Variants in HOPX observed in about 807,000 individuals in gnomAD.
HOPX encodes the protein HOP homeobox.
In HOPX, 5 loss-of-function variants were observed where a neutral mutation model predicts 11.8. The ratio of observed to expected loss-of-function variants is 0.43; its 90% confidence interval spans 0.22 to 0.89. HOPX has a LOEUF of 0.89. Among genes scored for constraint, HOPX ranks in the 40% least tolerant of loss-of-function variants. The pLI, the probability that HOPX is intolerant of heterozygous loss-of-function variation, is 0.28. For missense variants in HOPX, 119 were observed against 120.0 expected, an observed-to-expected ratio of 0.99 and a Z score of 0.04; for synonymous variants, 49 against 49.7, an observed-to-expected ratio of 0.99 and a Z score of 0.06.
intron 3 of HOPX, among the ~76,000 whole-genome samples, chr4:56,653,205 T>C (rs1450574686): frequency 6.6e-6 from 1 of 151,930 alleles, no homozygotes; most frequent in Non-Finnish European, 1.5e-5. Context: ...ACCTGTTTGA[T>C]TTTTTTACTT....
At chr4:56,658,459 G>A (rs117183594) in intron 1 of HOPX, among the ~76,000 whole-genome samples, 2 of 152,294 alleles carry the variant, frequency 1.3e-5, no homozygotes, top group East Asian at 1.9e-4. Flanking sequence ...ATTTGAAAGC[G>A]CCTACTTCTC....
chr4:56,656,175 G>C, intron 2 of HOPX, 163 bp from the exon 3 acceptor site: 1 of 1,104,820 alleles, frequency 9.1e-7, no homozygotes, highest in Non-Finnish European at 1.2e-6. Context: ...CTGAGCGGGG[G>C]CTTACGGCTG....
chr4:56,650,708 A>C, intron 3 of HOPX: 1 of 1,551,760 alleles, frequency 6.4e-7, no homozygotes, highest in Non-Finnish European at 8.7e-7. Flanking sequence ...GCAGTAGAGA[A>C]AAGTAATCGA....
intron 1 of HOPX, among the ~76,000 whole-genome samples, chr4:56,666,048 G>C (rs975862067): frequency 1.3e-5 from 2 of 152,138 alleles, no homozygotes; most frequent in African/African-American, 4.8e-5. Context: ...GTTGGGGCCA[G>C]TCTGAGTACT....
chr4:56,656,374 G>C, intron 2 of HOPX: 1 of 1,017,586 alleles, frequency 9.8e-7, no homozygotes, highest in Non-Finnish European at 1.2e-6. Context: ...TGAAGGAAGC[G>C]CGGGGGTGAT....
chr4:56,681,023 C>G (rs1210963799), intron 1 of HOPX: 2 of 985,148 alleles, frequency 2.0e-6, no homozygotes, highest in Non-Finnish European at 2.4e-6. Flanking sequence ...ACCAACTCCC[C>G]TTCCTCCAAA....
chr4:56,680,911 T>G, intron 1 of HOPX: 11 of 364,830 alleles, frequency 3.0e-5, no homozygotes, highest in South Asian at 1.1e-4. Flanking sequence ...TGCTTCTAAA[T>G]GAGAAAATCA....
chr4:56,677,970 T>C (rs1011024481), intron 1 of HOPX, among the ~76,000 whole-genome samples: 2 of 151,600 alleles, frequency 1.3e-5, no homozygotes, highest in Non-Finnish European at 2.9e-5. Flanking sequence ...ATGCCAGATA[T>C]TAATCGGGAA....
intron 2 of HOPX, among the ~76,000 whole-genome samples, chr4:56,656,974 A>G (rs1717793222): frequency 6.6e-6 from 1 of 152,092 alleles, no homozygotes; most frequent in Admixed American, 6.5e-5. Flanking sequence ...CTTCCCTGTG[A>G]TTGTATTAAA....
At chr4:56,651,915 T>TGTGTGTGTGTGTGTG (rs1260908831) in intron 3 of HOPX, among the ~76,000 whole-genome samples, 1 of 145,428 alleles carries the variant, frequency 6.9e-6, no homozygotes, top group African/African-American at 2.5e-5. Context: ...TGTGTGTGTG[T>TGTGTGTGTGTGTGTG]TTGAAATAAT....
At chr4:56,656,405 A>T in intron 2 of HOPX, 1 of 993,750 alleles carries the variant, frequency 1.0e-6, no homozygotes. Flanking sequence ...CCCCTTAAAA[A>T]CTTCCTCCCG....
At chr4:56,666,463 T>C (rs1718448503) in intron 1 of HOPX, among the ~76,000 whole-genome samples, 1 of 152,174 alleles carries the variant, frequency 6.6e-6, no homozygotes, top group South Asian at 2.1e-4. Context: ...GAAAAGCCAT[T>C]GGAGGAAAGG....
At chr4:56,652,330 A>T (rs918218785) in intron 3 of HOPX, among the ~76,000 whole-genome samples, 1 of 152,304 alleles carries the variant, frequency 6.6e-6, no homozygotes, top group South Asian at 2.1e-4. Context: ...TTGCAAGAGC[A>T]CTGGGCAGCT....
chr4:56,652,510 G>C (rs1407186532), intron 3 of HOPX, among the ~76,000 whole-genome samples: 1 of 152,130 alleles, frequency 6.6e-6, no homozygotes, highest in East Asian at 1.9e-4. Flanking sequence ...ACACTAGTAA[G>C]AACAGAGATA....
At chr4:56,658,634 C>G (rs1717926635) in intron 1 of HOPX, among the ~76,000 whole-genome samples, 1 of 152,212 alleles carries the variant, frequency 6.6e-6, no homozygotes, top group African/African-American at 2.4e-5. Flanking sequence ...AGATATAAAT[C>G]AAACTGCCTG....
chr4:56,671,029 GT>G lies in HOPX; in HGVS notation c.-84+10225del, dbSNP rs1718708227. Among the ~76,000 whole-genome samples the G allele has an allele frequency of 4.6e-5, 7 of 151,776 alleles. No homozygotes were observed. In the South Asian group the frequency reaches 1.5e-3, roughly 32 times the overall value. ...AGCTACACATACAATGGAGAATCAA[GT>G]AGATAAAATTGTCATATTGCTCTGT... is the stretch of plus-strand genomic sequence containing the variant. On this transcript the variant is annotated intron_variant, in intron 1 of 3. Coordinates refer to ENST00000420433, the MANE Select transcript of HOPX (RefSeq NM_032495.6).
chr4:56,659,296 G>A (rs1717961870), intron 1 of HOPX: 1 of 152,176 alleles, frequency 6.6e-6, no homozygotes, highest in African/African-American at 2.4e-5. Flanking sequence ...TGCTCACTGT[G>A]AACTTCCTGG....
intron 2 of HOPX, chr4:56,656,343 C>G: frequency 4.8e-6 from 5 of 1,052,062 alleles, no homozygotes; most frequent in Non-Finnish European, 5.7e-6. Context: ...CCCTCACCGA[C>G]CTCCGGCTCT....
At chr4:56,656,180 C>T in intron 2 of HOPX, 168 bp from the exon 3 acceptor site, 1 of 1,111,098 alleles carries the variant, frequency 9.0e-7, no homozygotes, top group East Asian at 3.6e-5. Flanking sequence ...CGGGGGCTTA[C>T]GGCTGCCCCC....
Sources: allele counts gnomAD v4.1 joint callset (sites outside exome capture counted in the v4.1 genomes callset), GRCh38; gene constraint gnomAD v4.1.1; transcripts MANE v1.5; gene names NCBI Gene and HGNC (gene_info 2026-07-23, HGNC 2026-07-21).